The following ACVR1C variants were observed in gnomAD, a reference collection of about 807,000 sequenced individuals.
ACVR1C encodes the protein activin A receptor type 1C.
In ACVR1C, 23 loss-of-function variants were observed where a neutral mutation model predicts 57.9. That is an observed-to-expected ratio of 0.40 (90% CI 0.29 to 0.56). The LOEUF (loss-of-function observed/expected upper bound fraction) is 0.56. Ranked by LOEUF, ACVR1C falls within the 20% of genes least tolerant of loss-of-function variation. The probability of loss-of-function intolerance (pLI) is 0.50; values close to 1 mark genes in which losing one functional copy is unlikely to be tolerated. For synonymous variants in ACVR1C, 214 were observed against 215.3 expected (o/e 0.99, Z 0.05); for missense variants, 480 against 607.9 (o/e 0.79, Z 2.21).
At chr2:157,598,461 AAT>A (rs1248658247) in intron 1 of ACVR1C, among the ~76,000 whole-genome samples, 1 of 151,922 alleles carries the variant, frequency 6.6e-6, no homozygotes, top group Non-Finnish European at 1.5e-5. Context: ...ACTTTACCAA[AAT>A]CAAGGCTATC....
intron 1 of ACVR1C, among the ~76,000 whole-genome samples, chr2:157,588,912 C>T (rs888417908): frequency 1.4e-4 from 18 of 130,296 alleles, no homozygotes; most frequent in Admixed American, 5.5e-4. Context: ...TGTACATGCT[C>T]ATACACACAC....
At chr2:157,552,168 G>A (rs1268528969) in intron 3 of ACVR1C, among the ~76,000 whole-genome samples, 1 of 152,056 alleles carries the variant, frequency 6.6e-6, no homozygotes, top group African/African-American at 2.4e-5. Context: ...ATGGAGTCTT[G>A]CTCTGTCAGG....
chr2:157,543,292 T>G, intron 5 of ACVR1C, among the ~76,000 whole-genome samples: 1 of 152,342 alleles, frequency 6.6e-6, no homozygotes, highest in Middle Eastern at 3.4e-3. Flanking sequence ...CTTTTCTAAC[T>G]ACGCATCTGT....
rs1688399057 is a variant in ACVR1C, at chr2:157,566,826, C to A, written c.305-10494G>T. On this transcript the variant is annotated intron_variant, in intron 2 of 8. Coordinates refer to ENST00000243349, the MANE Select transcript of ACVR1C (RefSeq NM_145259.3). ...CCCAGGCTTGCTTAGGTAAACAAAG[C>A]AGCCGGGAAGGGAAGCTCGAACTGG... 4.6e-5 allele frequency among the ~76,000 whole-genome samples: 7 copies of A among 152,330 alleles called. No individual in the cohort carries two copies. The South Asian group carries it at 1.5e-3, about 32-fold the overall frequency.
chr2:157,628,709 C>T lies in ACVR1C; in HGVS notation c.-65G>A. 1 of 1,387,104 alleles carries T rather than the reference C, an allele frequency of 7.2e-7. No individual in the cohort carries two copies. Among genetic ancestry groups the T allele is most frequent in the Non-Finnish European group, 9.5e-7 (1 of 1,055,874 alleles). 85.9% of individuals were successfully genotyped at this position (1,387,104 alleles called of 1,614,324 possible). A position where few individuals can be genotyped will look rare whatever the true frequency, so the allele number is the denominator to read the frequency against. ...GCAGAGCGAGGCAGCCGGGGCAGCA[C>T]GGCCCGCTTTGAAGTTCCCGGGCCG... On this transcript the variant is annotated 5_prime_UTR_variant, in exon 1 of 9. The change creates a new upstream start codon in the 5' untranslated region. Transcript: ENST00000243349.
At chr2:157,540,502 G>A (rs556730580) in intron 7 of ACVR1C, among the ~76,000 whole-genome samples, 1 of 152,094 alleles carries the variant, frequency 6.6e-6, no homozygotes, top group African/African-American at 2.4e-5. Context: ...TCTCCACGTT[G>A]GTCAGGCTGG....
chr2:157,606,852 G>C (rs376992017), intron 1 of ACVR1C, among the ~76,000 whole-genome samples: 4 of 151,450 alleles, frequency 2.6e-5, no homozygotes, highest in South Asian at 2.1e-4. Flanking sequence ...TTTGTTCCTT[G>C]TTCTTTCACA....
intron 6 of ACVR1C, among the ~76,000 whole-genome samples, chr2:157,541,787 G>T (rs1413245495): frequency 1.3e-5 from 2 of 152,340 alleles, no homozygotes; most frequent in East Asian, 1.9e-4. Context: ...CACAGGCACT[G>T]TCCTGGAATC....
chr2:157,538,201 T>C (rs1318453418), intron 8 of ACVR1C, among the ~76,000 whole-genome samples: 1 of 152,190 alleles, frequency 6.6e-6, no homozygotes, highest in Non-Finnish European at 1.5e-5. Flanking sequence ...CAGTGTGTGA[T>C]CTTCCAGCTC....
intron 3 of ACVR1C, among the ~76,000 whole-genome samples, chr2:157,550,668 T>C (rs192302554): frequency 2.5e-3 from 376 of 152,104 alleles, no homozygotes; most frequent in African/African-American, 8.3e-3. Flanking sequence ...TTTCCAAGAA[T>C]TGCTGCAAAT....
intron 4 of ACVR1C, among the ~76,000 whole-genome samples, chr2:157,547,536 T>C (rs371101415): frequency 9.0e-4 from 128 of 142,896 alleles, no homozygotes; most frequent in Non-Finnish European, 4.3e-4. Context: ...GGTATCTCAT[T>C]GTGGTTTTGA....
chr2:157,577,202 G>C (rs1445827178), intron 2 of ACVR1C, among the ~76,000 whole-genome samples: 3 of 151,964 alleles, frequency 2.0e-5, no homozygotes, highest in Admixed American at 2.0e-4. Flanking sequence ...TTTTATAACT[G>C]ATTCAAGTTC....
chr2:157,605,445 A>C (rs978155121), intron 1 of ACVR1C, among the ~76,000 whole-genome samples: 2 of 151,708 alleles, frequency 1.3e-5, no homozygotes, highest in African/African-American at 4.8e-5. Flanking sequence ...ATTTTGACTG[A>C]AACTTTGCAA....
chr2:157,543,626 AAG>A (rs1246542934), intron 5 of ACVR1C, among the ~76,000 whole-genome samples: 1 of 152,218 alleles, frequency 6.6e-6, no homozygotes, highest in Non-Finnish European at 1.5e-5. Flanking sequence ...CAATAATTTT[AAG>A]AGTGTAAAGA....
intron 1 of ACVR1C, among the ~76,000 whole-genome samples, chr2:157,602,702 T>A (rs1348775998): frequency 6.6e-6 from 1 of 152,184 alleles, no homozygotes; most frequent in African/African-American, 2.4e-5. Context: ...ACTTGTTCAC[T>A]ATAAATATGA....
rs1203052011 is a variant in ACVR1C at position 157,541,173 on chromosome 2, T to C, written c.1142A>G (p.Asn381Ser). The part of the protein sequence containing the change: ...PEMLDDTMNV[N>S]IFESFKRADI... ...AGCTCGTTTGAAGGACTCAAAGATA[T>C]TCACATTCATTGTATCATCAAGCAT... Residue 381 changes from asparagine (N) to serine (S), a missense_variant, in exon 7 of 9, where the codon AAT (asparagine) becomes AGT (serine). Asn to Ser is a conservative substitution (Grantham distance 46). Transcript: ENST00000243349. 6.8e-6 allele frequency: 11 copies of C among 1,613,824 alleles called. No individual in the cohort carries two copies. The highest frequency in any genetic ancestry group is 2.2e-5 in the East Asian group (1 of 44,870).
chr2:157,595,758 C>G (rs1682082729), intron 1 of ACVR1C, among the ~76,000 whole-genome samples: 1 of 152,170 alleles, frequency 6.6e-6, no homozygotes, highest in Admixed American at 6.5e-5. Context: ...GCACTGGTCT[C>G]CTTTTCACAG....
At chr2:157,542,635 C>A in intron 6 of ACVR1C, 71 bp downstream of exon 6, 12 of 1,504,654 alleles carry the variant, frequency 8.0e-6, no homozygotes, top group Non-Finnish European at 9.8e-6. Context: ...GCCTCCTCCA[C>A]ACACATGAGG....
At chr2:157,578,009 C>A (rs1688705277) in intron 2 of ACVR1C, among the ~76,000 whole-genome samples, 1 of 152,096 alleles carries the variant, frequency 6.6e-6, no homozygotes, top group South Asian at 2.1e-4. Context: ...CTCAAGCAAC[C>A]CTCCTGCCTC....
Sources: gnomAD v4.1 joint callset for allele counts (sites outside exome capture counted in the v4.1 genomes callset) on GRCh38, gnomAD v4.1.1 for gene constraint, MANE v1.5 for transcripts, NCBI Gene and HGNC (gene_info 2026-07-23, HGNC 2026-07-21) for gene names.